YAF2: variants seen among roughly 807,000 people sequenced by gnomAD.
YAF2 encodes YY1-associated factor 2.
A neutral mutation model predicts 20.1 loss-of-function variants in YAF2; 7 were observed. The observed-to-expected ratio is 0.35, with a 90% CI of 0.20 to 0.65. The LOEUF (loss-of-function observed/expected upper bound fraction) is 0.65. Among genes scored for constraint, YAF2 ranks in the 30% least tolerant of loss-of-function variants. The pLI is 0.69. For synonymous variants in YAF2, 74 were observed against 76.0 expected (o/e 0.97, Z 0.14); for missense variants, 151 against 219.2 (o/e 0.69, Z 1.96).
At chr12:42,162,841 T>C (rs1360660304) in intron 2 of YAF2, among the ~76,000 whole-genome samples, 1 of 152,168 alleles carries the variant, frequency 6.6e-6, no homozygotes, top group African/African-American at 2.4e-5. Flanking sequence ...CTAGACAGTC[T>C]GAACTACTGA....
intron 2 of YAF2, among the ~76,000 whole-genome samples, chr12:42,176,716 CT>C (rs1406923992): frequency 6.6e-6 from 1 of 152,074 alleles, no homozygotes; most frequent in African/African-American, 2.4e-5. Context: ...AATCTCAGCA[CT>C]TTGGGAGGCT....
chr12:42,233,788 C>A, intron 2 of YAF2: 1 of 985,434 alleles, frequency 1.0e-6, no homozygotes. Context: ...GCTGGGCTTA[C>A]AGGTGTGGGC....
At chr12:42,191,600 G>T (rs963361880) in intron 2 of YAF2, among the ~76,000 whole-genome samples, 1 of 151,884 alleles carries the variant, frequency 6.6e-6, no homozygotes, top group Non-Finnish European at 1.5e-5. Context: ...ATTTTTCCTT[G>T]TTTTCCTTCT....
At chr12:42,194,150 T>A (rs2066688668) in intron 2 of YAF2, among the ~76,000 whole-genome samples, 1 of 152,192 alleles carries the variant, frequency 6.6e-6, no homozygotes, top group Non-Finnish European at 1.5e-5. Flanking sequence ...AAACATTACA[T>A]TAAGCTAAGG....
At chr12:42,230,057 G>C (rs12317772) in intron 2 of YAF2, among the ~76,000 whole-genome samples, 9,688 of 152,176 alleles carry the variant, frequency 0.064, 508 homozygotes, top group East Asian at 0.15. Flanking sequence ...AGGAGATGGA[G>C]ACCATCCTGG....
intron 2 of YAF2, chr12:42,232,619 A>T (rs997997939): frequency 2.0e-6 from 2 of 985,456 alleles, no homozygotes; most frequent in African/African-American, 3.5e-5. Context: ...TTCTTTAAAA[A>T]GGACTTATGT....
chr12:42,207,792 G>A (rs1269210472), intron 2 of YAF2, among the ~76,000 whole-genome samples: 2 of 110,356 alleles, frequency 1.8e-5, no homozygotes, highest in African/African-American at 7.4e-5. Context: ...TTGGGAGGCT[G>A]AGGCAGGAGA....
chr12:42,232,985 A>G (rs2068027584), intron 2 of YAF2: 1 of 985,320 alleles, frequency 1.0e-6, no homozygotes, highest in Non-Finnish European at 1.2e-6. Flanking sequence ...AAGCGGTTCT[A>G]ATTTGCAAAA....
chr12:42,196,174 C>G (rs1455144752), intron 2 of YAF2, among the ~76,000 whole-genome samples: 1 of 145,610 alleles, frequency 6.9e-6, no homozygotes, highest in Non-Finnish European at 1.5e-5. Flanking sequence ...GTAAGGTGAG[C>G]CGAGATCACG....
At chr12:42,233,116 T>C (rs2068031839) in intron 2 of YAF2, 1 of 985,442 alleles carries the variant, frequency 1.0e-6, no homozygotes, top group Non-Finnish European at 1.2e-6. Flanking sequence ...ATTGAAATGG[T>C]TGATATGAAA....
chr12:42,159,579 T>C lies in YAF2; in HGVS notation c.*1010A>G, dbSNP rs2065760930. ...GGTACTATGATTTTCATAAGAATTATTGTATTTAATAAGAAGCCAATTTGA... is the reference window on the plus strand; with the variant it reads ...GGTACTATGATTTTCATAAGAATTACTGTATTTAATAAGAAGCCAATTTGA... On this transcript the variant is annotated 3_prime_UTR_variant, in exon 4 of 4. Transcript: ENST00000534854. 1.3e-5 allele frequency: 2 copies of C among 152,118 alleles called. No individual in the cohort carries two copies. Among genetic ancestry groups the C allele is most frequent in the South Asian group, 2.1e-4 (1 of 4,836 alleles). The allele number at this position is 152,118 out of a possible 1,614,324, so 9.4% of individuals were successfully genotyped here. A position where few individuals can be genotyped will look rare whatever the true frequency, so the allele number is the denominator to read the frequency against.
intron 2 of YAF2, 86 bp downstream of exon 2, chr12:42,237,513 G>A: frequency 7.2e-7 from 1 of 1,395,610 alleles, no homozygotes. Context: ...GTCCGCCAGT[G>A]TCATGGGAGG....
chr12:42,193,120 GC>G (rs1328833344), intron 2 of YAF2, among the ~76,000 whole-genome samples: 1 of 152,082 alleles, frequency 6.6e-6, no homozygotes, highest in Non-Finnish European at 1.5e-5. Context: ...TTTGAGACCA[GC>G]CTGGCCAACA....
intron 2 of YAF2, among the ~76,000 whole-genome samples, chr12:42,202,365 G>A (rs1669749246): frequency 6.6e-6 from 1 of 152,134 alleles, no homozygotes; most frequent in Non-Finnish European, 1.5e-5. Flanking sequence ...TCCAGCTCAA[G>A]CCAAACTATT....
chr12:42,234,402 T>A, intron 2 of YAF2: 2 of 985,266 alleles, frequency 2.0e-6, no homozygotes, highest in Non-Finnish European at 2.4e-6. Context: ...AATGACCTGT[T>A]GGGTATAACG....
chr12:42,235,927 T>C, intron 2 of YAF2: 1 of 1,536,090 alleles, frequency 6.5e-7, no homozygotes. Flanking sequence ...CCTACTCTAT[T>C]TCTCAGGGTT....
chr12:42,210,464 C>T (rs2067174338), intron 2 of YAF2: 1 of 1,535,200 alleles, frequency 6.5e-7, no homozygotes, highest in South Asian at 1.2e-5. Context: ...ACTGAGGGGG[C>T]ATGCAGTACA....
intron 2 of YAF2, among the ~76,000 whole-genome samples, chr12:42,227,929 G>A (rs2067795147): frequency 7.0e-6 from 1 of 142,972 alleles, no homozygotes; most frequent in Non-Finnish European, 1.5e-5. Flanking sequence ...TGGGAAGTGA[G>A]GAGCCCCTCA....
chr12:42,210,479 T>A, intron 2 of YAF2: 1 of 1,535,754 alleles, frequency 6.5e-7, no homozygotes, highest in South Asian at 1.2e-5. Context: ...AGTACAGACG[T>A]ATATGTAAGA....
Sources: allele counts gnomAD v4.1 joint callset (sites outside exome capture counted in the v4.1 genomes callset), GRCh38; gene constraint gnomAD v4.1.1; transcripts MANE v1.5; gene names NCBI Gene and HGNC (gene_info 2026-07-23, HGNC 2026-07-21).